AK5: variants seen among roughly 807,000 people sequenced by gnomAD.
AK5 encodes the protein adenylate kinase isoenzyme 5.
In AK5, 27 loss-of-function variants were observed where a neutral mutation model predicts 69.5. The ratio of observed to expected loss-of-function variants is 0.39; its 90% CI spans 0.29 to 0.54. The LOEUF (loss-of-function observed/expected upper bound fraction) is 0.54, where lower values mean the gene tolerates loss of function less well. AK5 is among the 20% of genes least tolerant of loss of function. The pLI is 0.71. For missense variants in AK5, 531 were observed against 700.4 expected, an observed-to-expected ratio of 0.76 and a Z score of 2.73; for synonymous variants, 260 against 244.4, an observed-to-expected ratio of 1.06 and a Z score of -0.60.
chr1:77,541,744 G>GT (rs960816998), intron 13 of AK5, among the ~76,000 whole-genome samples: 12 of 152,012 alleles, frequency 7.9e-5, no homozygotes, highest in Non-Finnish European at 1.6e-4. Context: ...TCTAAGCTGG[G>GT]TTTTTTTTCT....
At chr1:77,548,675 A>C (rs144021348) in intron 13 of AK5, among the ~76,000 whole-genome samples, 2 of 152,212 alleles carry the variant, frequency 1.3e-5, no homozygotes, top group Non-Finnish European at 2.9e-5. Context: ...GACATAGGCA[A>C]TGTTTGGACC....
intron 6 of AK5, among the ~76,000 whole-genome samples, chr1:77,364,297 G>A (rs1466837256): frequency 6.6e-6 from 1 of 152,118 alleles, no homozygotes; most frequent in Non-Finnish European, 1.5e-5. Context: ...TGATATTTCA[G>A]TACATGTAAG....
At chr1:77,288,422 G>A (rs1019136701) in intron 2 of AK5, among the ~76,000 whole-genome samples, 5 of 152,112 alleles carry the variant, frequency 3.3e-5, no homozygotes, top group Admixed American at 3.3e-4. Flanking sequence ...ATGCTATACA[G>A]ACAGAACCTG....
chr1:77,488,933 T>A (rs1250301057), intron 10 of AK5, among the ~76,000 whole-genome samples: 1 of 152,154 alleles, frequency 6.6e-6, no homozygotes, highest in Non-Finnish European at 1.5e-5. Flanking sequence ...ACAGAGCCCT[T>A]TATTATCACA....
Position 77,282,246 on chromosome 1 carries a change from GC to G in AK5, c.-64del. On this transcript the variant is annotated 5_prime_UTR_variant, in exon 1 of 14. Transcript: ENST00000354567. Reference sequence around the variant, plus strand: ...GCGGACTCTGCCAGCCCCAGCTTCAGCCCCGGCTCAGGTCGCCGCAGCCCGG... The same window carrying G: ...GCGGACTCTGCCAGCCCCAGCTTCAGCCCGGCTCAGGTCGCCGCAGCCCGG... 1.4e-6 allele frequency: 2 copies of G among 1,472,162 alleles called. No homozygotes were observed. The highest frequency in any genetic ancestry group is 1.4e-5 in the African/African-American group (1 of 70,874). The allele number at this position is 1,472,162 out of a possible 1,614,324, so 91.2% of individuals were successfully genotyped here.
chr1:77,315,031 A>G (rs780533916), intron 5 of AK5: 1 of 152,166 alleles, frequency 6.6e-6, no homozygotes, highest in Non-Finnish European at 1.5e-5. Context: ...ACATATAATC[A>G]TGCATAATAG....
intron 8 of AK5, among the ~76,000 whole-genome samples, chr1:77,475,142 T>C (rs1368907815): frequency 1.4e-5 from 2 of 142,884 alleles, no homozygotes; most frequent in Non-Finnish European, 3.0e-5. Context: ...ATTTTCCATT[T>C]TGCTAGGAGT....
intron 6 of AK5, among the ~76,000 whole-genome samples, chr1:77,370,964 T>A (rs921862503): frequency 6.6e-6 from 1 of 152,222 alleles, no homozygotes; most frequent in African/African-American, 2.4e-5. Context: ...TCTTTTGAAG[T>A]CTTTCTTACC....
At chr1:77,346,463 T>C (rs971562296) in intron 6 of AK5, among the ~76,000 whole-genome samples, 1 of 152,150 alleles carries the variant, frequency 6.6e-6, no homozygotes, top group Non-Finnish European at 1.5e-5. Flanking sequence ...ACTGCACATA[T>C]GGTGGAAATG....
At chr1:77,305,269 C>T (rs915697631) in intron 5 of AK5, among the ~76,000 whole-genome samples, 37 of 151,746 alleles carry the variant, frequency 2.4e-4, no homozygotes, top group Admixed American at 1.4e-3. Flanking sequence ...TTTTTGCAAC[C>T]CACCATTCTG....
chr1:77,328,361 G>A (rs1319295092), intron 5 of AK5, among the ~76,000 whole-genome samples: 5 of 152,002 alleles, frequency 3.3e-5, no homozygotes, highest in South Asian at 2.1e-4. Context: ...TTAGCCGGGC[G>A]TGGTGGCGGG....
intron 8 of AK5, among the ~76,000 whole-genome samples, chr1:77,448,712 A>G (rs1039745601): frequency 6.6e-6 from 1 of 152,250 alleles, no homozygotes; most frequent in Non-Finnish European, 1.5e-5. Context: ...ACCACATTGC[A>G]GACAACAAGA....
chr1:77,450,175 G>C (rs371726395), intron 8 of AK5, among the ~76,000 whole-genome samples: 1 of 152,090 alleles, frequency 6.6e-6, no homozygotes, highest in African/African-American at 2.4e-5. Context: ...CTTGTTGTTC[G>C]TATCACTATC....
intron 6 of AK5, among the ~76,000 whole-genome samples, chr1:77,350,416 C>G (rs1006404820): frequency 6.6e-6 from 1 of 152,164 alleles, no homozygotes; most frequent in African/African-American, 2.4e-5. Flanking sequence ...TCAAACTGAG[C>G]AAGGCACTGA....
chr1:77,527,795 C>T (rs753949971), intron 12 of AK5, among the ~76,000 whole-genome samples: 22 of 152,184 alleles, frequency 1.4e-4, no homozygotes, highest in Non-Finnish European at 2.5e-4. Context: ...CACGGTGGCT[C>T]ACGCCTGTAA....
chr1:77,395,339 T>C (rs1309399716), intron 6 of AK5, among the ~76,000 whole-genome samples: 1 of 152,240 alleles, frequency 6.6e-6, no homozygotes, highest in Non-Finnish European at 1.5e-5. Context: ...TTAGCTTTTT[T>C]CCCTGAGGCT....
At chr1:77,481,464 T>G (rs1010463346) in intron 8 of AK5, among the ~76,000 whole-genome samples, 1 of 152,258 alleles carries the variant, frequency 6.6e-6, no homozygotes, top group Admixed American at 6.5e-5. Context: ...TTAATAGCTC[T>G]TCTCTTACCT....
At position 77,558,713 on chromosome 1, in the gene AK5, T is replaced by TAA. The variant is rs753024716; in HGVS notation, c.*47_*48dup. ...TGTTAGAATGGAAACAGAAAAACAT[T>TAA]AAAAAGTTCATTCCTTAACACAATG... On this transcript the variant is annotated 3_prime_UTR_variant, in exon 14 of 14. Transcript: ENST00000354567. 3.1e-5 allele frequency: 42 copies of TAA among 1,346,678 alleles called. No individual in the cohort carries two copies. In the African/African-American group the frequency reaches 4.2e-4, roughly 14 times the overall value. The allele number at this position is 1,346,678 out of a possible 1,614,324, so 83.4% of individuals were successfully genotyped here. A position where few individuals can be genotyped will look rare whatever the true frequency, so the allele number is the denominator to read the frequency against.
intron 1 of AK5, chr1:77,282,710 G>A (rs1658130044): frequency 3.1e-5 from 33 of 1,081,218 alleles, no homozygotes; most frequent in Non-Finnish European, 3.7e-5. Context: ...TGGGGGCGAG[G>A]GCCAGGTCAG....
Sources: allele counts gnomAD v4.1 joint callset (sites outside exome capture counted in the v4.1 genomes callset), GRCh38; gene constraint gnomAD v4.1.1; transcripts MANE v1.5; gene names NCBI Gene and HGNC (gene_info 2026-07-23, HGNC 2026-07-21).